MYO18B: variants seen among roughly 807,000 people sequenced by gnomAD.
The protein encoded by MYO18B is unconventional myosin-XVIIIb.
Under a neutral mutation model 273.0 loss-of-function variants are expected in MYO18B, and 204 were observed. The ratio of observed to expected loss-of-function variants is 0.75; its 90% confidence interval spans 0.67 to 0.84. The LOEUF (loss-of-function observed/expected upper bound fraction) is 0.84. Ranked by LOEUF, MYO18B falls within the 40% of genes least tolerant of loss-of-function variation. The pLI, the probability that MYO18B is intolerant of heterozygous loss-of-function variation, is 0.00. For missense variants in MYO18B, 3,212 were observed against 3,287.6 expected (o/e 0.98, Z 0.56); for synonymous variants, 1,330 against 1,305.7 (o/e 1.02, Z -0.40).
chr22:25,927,659 T>C (rs1336226852), intron 34 of MYO18B, among the ~76,000 whole-genome samples: 1 of 152,210 alleles, frequency 6.6e-6, no homozygotes, highest in East Asian at 1.9e-4. Context: ...CCCACACCTA[T>C]TCGCGTACTC....
rs1240221738 is a variant in MYO18B at position 25,743,099 on chromosome 22, G to GCCCAGTCGGCT, written c.-110+820_-110+830dup. Among the ~76,000 whole-genome samples, 3 of 152,354 alleles carry GCCCAGTCGGCT rather than the reference G, an allele frequency of 2.0e-5. No homozygotes were observed. The East Asian group carries it at 5.8e-4, about 29-fold the overall frequency. On this transcript the variant is annotated intron_variant, in intron 1 of 43. Transcript: ENST00000335473. ...GGAGTGGGGAGGCCCGGAATGGGGA[G>GCCCAGTCGGCT]CCCAGTCGGCTCCCAGTCGGCTCCA...
intron 25 of MYO18B, among the ~76,000 whole-genome samples, chr22:25,880,972 A>G (rs2091317132): frequency 6.6e-6 from 1 of 152,258 alleles, no homozygotes; most frequent in African/African-American, 2.4e-5. Context: ...GTCCAGGACA[A>G]AATTTAAAGA....
chr22:25,794,715 AG>A (rs2087832180), intron 11 of MYO18B, among the ~76,000 whole-genome samples: 1 of 149,630 alleles, frequency 6.7e-6, no homozygotes, highest in Non-Finnish European at 1.5e-5. Flanking sequence ...CGTGTTAGCC[AG>A]GATGGTCACG....
In MYO18B at chr22:25,837,405, T is replaced by C. The variant is rs1467382697; in HGVS notation, c.3208+1962T>C. Among the ~76,000 whole-genome samples the C allele has an allele frequency of 2.0e-5, 3 of 152,000 alleles. No individual in the cohort carries two copies. The East Asian group carries it at 5.8e-4, about 29-fold the overall frequency. On this transcript the variant is annotated intron_variant, in intron 17 of 43. Transcript: ENST00000335473. The stretch of plus-strand genomic sequence containing the variant: ...GACTCCCTGGAAGCCACAGGAGGGA[T>C]TGACCTTATCAAATGCGGCTGAAAG...
Position 26,026,806 on chromosome 22 carries a change from C to G in MYO18B, c.6832C>G (p.Leu2278Val), listed in dbSNP as rs200490409. 4 of 1,597,876 alleles carry G rather than the reference C, an allele frequency of 2.5e-6. No individual in the cohort carries two copies. The highest frequency in any genetic ancestry group is 2.7e-5 in the African/African-American group (2 of 74,252). ...GCTGGGCCTAGAGGACTGGCCCACT[C>G]TCCCCATTTACCAGACGACTGGGGC... ...STLGLEDWPT[L>V]PIYQTTGAST... The change falls in exon 43 of 44, where the codon CTC becomes GTC. Residue 2278 changes from leucine (L) to valine (V), a missense_variant. By Grantham distance (32) the Leu-to-Val change is conservative. Transcript: ENST00000335473.
chr22:25,762,927 GAA>G, intron 2 of MYO18B: 1 of 534,588 alleles, frequency 1.9e-6, no homozygotes, highest in Non-Finnish European at 3.7e-6. Flanking sequence ...CCATGGCAAG[GAA>G]GGGAACCAGC....
At chr22:26,060,969 A>AACAC in the MYO18B span, among the ~76,000 whole-genome samples, 2 of 151,782 alleles carry the variant, frequency 1.3e-5, no homozygotes, top group Non-Finnish European at 2.9e-5. Context: ...TGCACACATG[A>AACAC]ACACACATAT....
rs1424844048 is a variant in MYO18B at position 25,883,352 on chromosome 22, T to G, written c.4314+5304T>G. 1 of 152,234 alleles carries G rather than the reference T, an allele frequency of 6.6e-6. No individual in the cohort carries two copies. Among genetic ancestry groups the G allele is most frequent in the Non-Finnish European group, 1.5e-5 (1 of 68,052 alleles). The allele number at this position is 152,234 out of a possible 1,614,324, so 9.4% of individuals were successfully genotyped here. A position where few individuals can be genotyped will look rare whatever the true frequency, so the allele number is the denominator to read the frequency against. On this transcript the variant is annotated intron_variant, in intron 25 of 43. Coordinates refer to ENST00000335473, the MANE Select transcript of MYO18B (RefSeq NM_032608.7). The surrounding 1 kb of genome is among the most constrained non-coding windows in gnomAD (Gnocchi z 7.6). ...ATCCTGATTCAGAGGGTGAGGTTGCTTTAGAGCAGTGGTTCTCACACTTGC... is the reference window on the plus strand; with the variant it reads ...ATCCTGATTCAGAGGGTGAGGTTGCGTTAGAGCAGTGGTTCTCACACTTGC...
chr22:25,950,400 C>A lies in MYO18B; in HGVS notation c.5782C>A (p.Gln1928Lys). 6.2e-7 allele frequency: 1 copy of A among 1,607,212 alleles called. No individual in the cohort carries two copies. The highest frequency in any genetic ancestry group is 8.5e-7 in the Non-Finnish European group (1 of 1,176,812). The change falls in exon 37 of 44, where the codon CAG (glutamine) becomes AAG (lysine). Residue 1928 changes from glutamine to lysine, a missense_variant. By Grantham distance (53) the Gln-to-Lys change is moderately conservative. Coordinates refer to ENST00000335473, the MANE Select transcript of MYO18B (RefSeq NM_032608.7). ...AADIGQIQEL[Q>K]LQLEEAKKEK... is the part of the protein sequence containing the mutation. ...TGACATTGGGCAGATCCAAGAACTG[C>A]AGCTGCAGCTGGAGGAAGCCAAGAA...
intron 39 of MYO18B, among the ~76,000 whole-genome samples, chr22:25,968,580 G>C (rs1319561325): frequency 6.6e-6 from 1 of 151,930 alleles, no homozygotes; most frequent in Non-Finnish European, 1.5e-5. Flanking sequence ...CCTGGGGCTG[G>C]GACATCCCAT....
chr22:25,744,474 T>G (rs1019024686), intron 1 of MYO18B, among the ~76,000 whole-genome samples: 7 of 152,238 alleles, frequency 4.6e-5, no homozygotes, highest in African/African-American at 1.4e-4. Flanking sequence ...GCTCACGCCT[T>G]TAATCCCAGC....
chr22:25,843,749 C>A lies in MYO18B; in HGVS notation c.3223C>A (p.Arg1075=), dbSNP rs551672297. ...TCTGTTTCCAGGGTCCTCTGCCCTGCGGACCTGTGAGCAGCCCCTCCAGTG... is the reference window on the plus strand; with the variant it reads ...TCTGTTTCCAGGGTCCTCTGCCCTGAGGACCTGTGAGCAGCCCCTCCAGTG... ...GAGTEGSSAL[R]TCEQPLQCEI... is the part of the protein sequence containing the mutation. The change falls in exon 18 of 44, where the codon CGG becomes AGG. Residue 1075 remains arginine (R), a synonymous_variant. Coordinates refer to ENST00000335473, the MANE Select transcript of MYO18B (RefSeq NM_032608.7). The A allele has an allele frequency of 5.0e-6, 8 of 1,613,368 alleles. No individual in the cohort carries two copies. The highest frequency in any genetic ancestry group is 1.7e-4 in the Middle Eastern group (1 of 6,058).
chr22:25,938,505 C>T (rs2092606953), intron 34 of MYO18B, among the ~76,000 whole-genome samples: 1 of 152,194 alleles, frequency 6.6e-6, no homozygotes, highest in African/African-American at 2.4e-5. Context: ...TTGGGCAAAT[C>T]ACTTCTTCCT....
At chr22:25,753,844 C>T (rs2086024176) in intron 1 of MYO18B, among the ~76,000 whole-genome samples, 2 of 152,338 alleles carry the variant, frequency 1.3e-5, no homozygotes, top group South Asian at 4.1e-4. Context: ...GATATACCGT[C>T]TTTAAGAACT....
chr22:25,888,361 A>G lies in MYO18B; in HGVS notation c.4315-2395A>G, dbSNP rs143139921. ...TGCTGCAGCCTAAACCCCTGGGATC[A>G]AGTGATCCTCCTGCCTCAGCTTCCA... is the stretch of plus-strand genomic sequence containing the variant. On this transcript the variant is annotated intron_variant, in intron 25 of 43. Transcript: ENST00000335473. Among the ~76,000 whole-genome samples, 899 of 152,216 alleles carry G rather than the reference A, an allele frequency of 5.9e-3. 9 individuals carry two copies. The highest frequency in any genetic ancestry group is 0.021 in the African/African-American group (862 of 41,538).
intron 16 of MYO18B, among the ~76,000 whole-genome samples, chr22:25,833,580 T>G (rs368763181): frequency 6.6e-6 from 1 of 152,168 alleles, no homozygotes; most frequent in Non-Finnish European, 1.5e-5. Context: ...TCACTTGATT[T>G]TTTTGTCTTC....
Position 25,847,455 on chromosome 22 carries a change from G to C in MYO18B, c.3578G>C (p.Arg1193Thr), listed in dbSNP as rs749147928. ...QMDALTSMIK[R>T]SRLHFIHCLV... is the part of the protein sequence containing the mutation. ...GATGCGCTGACCAGCATGATCAAAA[G>C]GTCCCGGCTGCACTTTATCCACTGC... The change falls in exon 20 of 44, where the codon AGG becomes ACG. Residue 1193 changes from arginine (R) to threonine (T), a missense_variant. By Grantham distance (71) the Arg-to-Thr change is moderately conservative. Transcript: ENST00000335473. The C allele has an allele frequency of 7.0e-6, 11 of 1,574,802 alleles. No homozygotes were observed. Among genetic ancestry groups the C allele is most frequent in the Non-Finnish European group, 8.6e-6 (10 of 1,159,854 alleles).
At chr22:25,905,568 A>G (rs2092026447) in intron 31 of MYO18B, among the ~76,000 whole-genome samples, 1 of 152,298 alleles carries the variant, frequency 6.6e-6, no homozygotes, top group Admixed American at 6.5e-5. Flanking sequence ...CTGGAGGATG[A>G]ATCAGAATTG....
chr22:26,061,659 T>C, the MYO18B span, among the ~76,000 whole-genome samples: 1 of 145,476 alleles, frequency 6.9e-6, no homozygotes, highest in African/African-American at 2.5e-5. Context: ...CCAAGAAAGG[T>C]CATCTACCAC....
Sources: gnomAD v4.1 joint callset for allele counts (sites outside exome capture counted in the v4.1 genomes callset) on GRCh38, gnomAD v4.1.1 for gene constraint, Gnocchi (gnomAD v3.1) non-coding constraint, MANE v1.5 for transcripts, NCBI Gene and HGNC (gene_info 2026-07-23, HGNC 2026-07-21) for gene names.